Variants in PLCL2 observed in about 807,000 individuals in gnomAD.
PLCL2 encodes inactive phospholipase C-like protein 2.
PLCL2 carries 4 observed loss-of-function variants against 79.6 expected under a neutral mutation model. The ratio of observed to expected loss-of-function variants is 0.05; its 90% CI spans 0.02 to 0.11. The LOEUF (loss-of-function observed/expected upper bound fraction) is 0.11, where lower values mean the gene tolerates loss of function less well. Among genes scored for constraint, PLCL2 ranks in the 10% least tolerant of loss-of-function variants. The pLI, the probability that PLCL2 is intolerant of heterozygous loss-of-function variation, is 1.00. For missense variants in PLCL2, 895 were observed against 1,291.0 expected, an observed-to-expected ratio of 0.69 and a Z score of 4.70; for synonymous variants, 484 against 457.7, an observed-to-expected ratio of 1.06 and a Z score of -0.73.
At chr3:17,045,088 T>C (rs1168620682) in intron 4 of PLCL2, among the ~76,000 whole-genome samples, 1 of 152,206 alleles carries the variant, frequency 6.6e-6, no homozygotes, top group African/African-American at 2.4e-5. Context: ...TTGTTTCTCA[T>C]GTTTACAATT....
intron 1 of PLCL2, among the ~76,000 whole-genome samples, chr3:16,988,465 T>C (rs2064072244): frequency 6.6e-6 from 1 of 152,138 alleles, no homozygotes; most frequent in Admixed American, 6.6e-5. Flanking sequence ...TTTCCTTTTC[T>C]TGAGGGAAAT....
intron 5 of PLCL2, among the ~76,000 whole-genome samples, chr3:17,088,392 TAAAG>T (rs1263977648): frequency 6.6e-6 from 1 of 150,746 alleles, no homozygotes; most frequent in African/African-American, 2.4e-5. Context: ...AGAGGAATCA[TAAAG>T]AAAATAATAG....
chr3:16,922,437 C>T (rs905430076), intron 1 of PLCL2, among the ~76,000 whole-genome samples: 2 of 152,074 alleles, frequency 1.3e-5, no homozygotes, highest in Admixed American at 6.5e-5. Context: ...CCTAAGATCT[C>T]GTAATTCCAC....
At chr3:16,918,507 T>C (rs1697049718) in intron 1 of PLCL2, among the ~76,000 whole-genome samples, 1 of 152,190 alleles carries the variant, frequency 6.6e-6, no homozygotes, top group Non-Finnish European at 1.5e-5. Flanking sequence ...AGTCTCTTTA[T>C]GCAATGTATG....
At chr3:17,025,598 T>A (rs1233417187) in intron 3 of PLCL2, among the ~76,000 whole-genome samples, 2 of 152,204 alleles carry the variant, frequency 1.3e-5, no homozygotes, top group Non-Finnish European at 2.9e-5. Context: ...CAGAATTGTT[T>A]TGTAAATGTG....
chr3:16,956,342 C>T (rs908940060), intron 1 of PLCL2, among the ~76,000 whole-genome samples: 14 of 152,062 alleles, frequency 9.2e-5, no homozygotes, highest in African/African-American at 2.7e-4. Context: ...TATTGATTTG[C>T]ATATGTTGAA....
chr3:16,965,779 A>C (rs2063800845), intron 1 of PLCL2, among the ~76,000 whole-genome samples: 1 of 151,842 alleles, frequency 6.6e-6, no homozygotes, highest in South Asian at 2.1e-4. Flanking sequence ...TTCTCTTTGA[A>C]GCAATTGTGA....
chr3:16,941,124 C>G (rs145836776), intron 1 of PLCL2, among the ~76,000 whole-genome samples: 1 of 152,212 alleles, frequency 6.6e-6, no homozygotes, highest in African/African-American at 2.4e-5. Flanking sequence ...AGTCCTTTGT[C>G]CCCTGTTCTC....
At chr3:16,994,169 G>A (rs1477354215) in intron 1 of PLCL2, among the ~76,000 whole-genome samples, 1 of 152,142 alleles carries the variant, frequency 6.6e-6, no homozygotes, top group Admixed American at 6.6e-5. Flanking sequence ...AGTTTGATAA[G>A]CTAATTAATT....
intron 1 of PLCL2, among the ~76,000 whole-genome samples, chr3:16,928,071 G>A (rs1697300081): frequency 6.6e-6 from 1 of 152,216 alleles, no homozygotes; most frequent in South Asian, 2.1e-4. Context: ...TACATGACCA[G>A]CCAAAGGCTC....
chr3:16,972,683 G>A (rs983141538), intron 1 of PLCL2, among the ~76,000 whole-genome samples: 2 of 151,906 alleles, frequency 1.3e-5, no homozygotes, highest in African/African-American at 4.8e-5. Flanking sequence ...TCCTGTGTTG[G>A]GTGCATATAT....
At chr3:16,908,950 G>A (rs1193198333) in intron 1 of PLCL2, among the ~76,000 whole-genome samples, 1 of 152,148 alleles carries the variant, frequency 6.6e-6, no homozygotes, top group Non-Finnish European at 1.5e-5. Context: ...GACATCTTAA[G>A]TTAACTAGAT....
At chr3:17,013,100 A>G (rs377109916) in intron 2 of PLCL2, among the ~76,000 whole-genome samples, 1 of 152,252 alleles carries the variant, frequency 6.6e-6, no homozygotes, top group East Asian at 1.9e-4. Context: ...AAGTAAAAGC[A>G]TAACAGACAT....
rs1350397037 is a variant in PLCL2, at chr3:16,932,999, A to G, written c.327+47633A>G. ...TTGTAGTTAGTACTCTTGGCTGTAGAAATTCGTAGTTTTGCTTTTCCTTTA... is the reference window on the plus strand; with the variant it reads ...TTGTAGTTAGTACTCTTGGCTGTAGGAATTCGTAGTTTTGCTTTTCCTTTA... On this transcript the variant is annotated intron_variant, in intron 1 of 5. Transcript: ENST00000615277. The G allele has an allele frequency of 2.6e-5, 4 of 152,568 alleles. No homozygotes were observed. The East Asian group carries it at 7.7e-4, about 29-fold the overall frequency. The allele number at this position is 152,568 out of a possible 1,614,324, so 9.5% of individuals were successfully genotyped here. A position where few individuals can be genotyped will look rare whatever the true frequency, so the allele number is the denominator to read the frequency against.
intron 1 of PLCL2, among the ~76,000 whole-genome samples, chr3:16,950,656 A>G (rs1559495773): frequency 6.6e-6 from 1 of 152,078 alleles, no homozygotes; most frequent in Non-Finnish European, 1.5e-5. Flanking sequence ...ATTAACTAAA[A>G]AGTTTACTAT....
chr3:17,080,392 T>A (rs2065150623), intron 5 of PLCL2, among the ~76,000 whole-genome samples: 1 of 152,130 alleles, frequency 6.6e-6, no homozygotes, highest in African/African-American at 2.4e-5. Flanking sequence ...AGGGGAACTA[T>A]CAATGTATAA....
chr3:17,010,228 A>G lies in PLCL2; in HGVS notation c.882A>G (p.Gln294=), dbSNP rs150368410. The G allele has an allele frequency of 7.9e-5, 128 of 1,614,000 alleles. 1 individual carries two copies. The South Asian group carries it at 1.2e-3, about 15-fold the overall frequency. ...ATATAACTCTGTGTAATGCTGTGCA[A>G]TGTATCAGAAACCTCAATCCTGGTT... ...LGHITLCNAV[Q]CIRNLNPGLK... Residue 294 remains glutamine, a synonymous_variant, in exon 2 of 6, where the codon CAA becomes CAG. Coordinates refer to ENST00000615277, the MANE Select transcript of PLCL2 (RefSeq NM_001144382.2). This position sits in a 1 kb window ranked among gnomAD's most constrained non-coding sequence, Gnocchi z 5.8.
At chr3:17,070,036 A>G (rs1221048053) in intron 5 of PLCL2, among the ~76,000 whole-genome samples, 1 of 152,214 alleles carries the variant, frequency 6.6e-6, no homozygotes, top group African/African-American at 2.4e-5. Flanking sequence ...GCCCTGTGGT[A>G]GGAACAAATG....
chr3:17,039,876 A>G (rs1172318194), intron 3 of PLCL2, among the ~76,000 whole-genome samples: 1 of 152,226 alleles, frequency 6.6e-6, no homozygotes, highest in Non-Finnish European at 1.5e-5. Context: ...CACTGTCATT[A>G]TCAGCAGAGG....
Sources: gnomAD v4.1 joint callset for allele counts (sites outside exome capture counted in the v4.1 genomes callset) on GRCh38, gnomAD v4.1.1 for gene constraint, Gnocchi (gnomAD v3.1) non-coding constraint, MANE v1.5 for transcripts, NCBI Gene and HGNC (gene_info 2026-07-23, HGNC 2026-07-21) for gene names.